CCSER1: variants seen among roughly 807,000 people sequenced by gnomAD.
The protein encoded by CCSER1 is coiled-coil serine rich protein 1.
Under a neutral mutation model 82.0 loss-of-function variants are expected in CCSER1, and 41 were observed. The observed-to-expected ratio is 0.50, with a 90% CI of 0.39 to 0.65. The LOEUF is 0.65. Among genes scored for constraint, CCSER1 ranks in the 30% least tolerant of loss-of-function variants. The pLI is 0.00. For synonymous variants in CCSER1, 414 were observed against 383.9 expected (o/e 1.08, Z -0.92); for missense variants, 1,119 against 1,064.2 (o/e 1.05, Z -0.72).
At chr4:90,388,751 T>C (rs1468892221) in intron 3 of CCSER1, among the ~76,000 whole-genome samples, 1 of 152,156 alleles carries the variant, frequency 6.6e-6, no homozygotes, top group Non-Finnish European at 1.5e-5. Context: ...TTCTCCTGTC[T>C]CAGCCTCCAA....
rs574244697 is a variant in CCSER1 at position 91,508,365 on chromosome 4, T to C, written c.2218-90207T>C. 1.1e-4 allele frequency among the ~76,000 whole-genome samples: 17 copies of C among 151,936 alleles called. 1 individual carries two copies. In the South Asian group the frequency reaches 3.5e-3, roughly 32 times the overall value. ...TATAGCATCTATTGAGATGATCATG[T>C]GGTTTACCTCCTTTCATCCATTAAT... is the stretch of plus-strand genomic sequence containing the variant. On this transcript the variant is annotated intron_variant, in intron 10 of 10. Transcript: ENST00000509176.
At chr4:90,597,185 C>A (rs1383059673) in intron 5 of CCSER1, among the ~76,000 whole-genome samples, 1 of 151,926 alleles carries the variant, frequency 6.6e-6, no homozygotes, top group Non-Finnish European at 1.5e-5. Flanking sequence ...TTACATCACT[C>A]TGAATAAGCT....
At chr4:91,174,645 T>C (rs7655384) in intron 10 of CCSER1, among the ~76,000 whole-genome samples, 56,746 of 151,834 alleles carry the variant, frequency 0.37, 11,477 homozygotes, top group Non-Finnish European at 0.46. Context: ...TTTGTACTAC[T>C]AAAAATAAAT....
In CCSER1 at chr4:91,603,636, T is replaced by C. The variant is rs1041718395; in HGVS notation, c.*4579T>C. The stretch of plus-strand genomic sequence containing the variant: ...CAATTTAATACGACATACATACTTC[T>C]TCCACCTGAACATAAAATTCAAGAA... On this transcript the variant is annotated 3_prime_UTR_variant, in exon 11 of 11. Transcript: ENST00000509176. 11 of 152,118 alleles carry C rather than the reference T, an allele frequency of 7.2e-5. No homozygotes were observed. The highest frequency in any genetic ancestry group is 2.7e-4 in the African/African-American group (11 of 41,444). 9.4% of individuals were successfully genotyped at this position (152,118 alleles called of 1,614,324 possible).
intron 10 of CCSER1, among the ~76,000 whole-genome samples, chr4:91,155,190 A>T (rs1002924994): frequency 2.0e-5 from 3 of 151,962 alleles, no homozygotes; most frequent in Admixed American, 6.6e-5. Flanking sequence ...GAATTGTAAT[A>T]ATCCCCACGT....
chr4:90,163,239 C>T (rs1204905437), intron 1 of CCSER1, among the ~76,000 whole-genome samples: 1 of 151,946 alleles, frequency 6.6e-6, no homozygotes. Context: ...GTAAATATGA[C>T]AGAGTGCTTT....
chr4:90,895,461 TG>T, intron 8 of CCSER1, among the ~76,000 whole-genome samples: 1 of 152,098 alleles, frequency 6.6e-6, no homozygotes, highest in East Asian at 1.9e-4. Flanking sequence ...GGTTGTTCTC[TG>T]TAAGAATAAA....
At chr4:90,133,593 AAATAT>A (rs1483000333) in intron 1 of CCSER1, among the ~76,000 whole-genome samples, 1 of 152,190 alleles carries the variant, frequency 6.6e-6, no homozygotes, top group Non-Finnish European at 1.5e-5. Context: ...TTTCAAGCTT[AAATAT>A]AATGTGTTCA....
At chr4:90,658,433 C>T (rs1172790135) in intron 6 of CCSER1, among the ~76,000 whole-genome samples, 1 of 152,152 alleles carries the variant, frequency 6.6e-6, no homozygotes, top group African/African-American at 2.4e-5. Context: ...CCCAGGAACT[C>T]CTCTCCCTGG....
At chr4:90,538,125 G>A (rs1579040820) in intron 5 of CCSER1, among the ~76,000 whole-genome samples, 1 of 152,054 alleles carries the variant, frequency 6.6e-6, no homozygotes, top group Non-Finnish European at 1.5e-5. Context: ...CAGATATAAG[G>A]TGGATTTTAT....
intron 10 of CCSER1, among the ~76,000 whole-genome samples, chr4:91,553,300 A>C (rs1027835517): frequency 4.0e-5 from 6 of 151,396 alleles, no homozygotes; most frequent in Non-Finnish European, 7.4e-5. Context: ...TCTACTTGCC[A>C]GTATTTTATT....
At chr4:91,094,870 T>C (rs1264436338) in intron 10 of CCSER1, among the ~76,000 whole-genome samples, 1 of 152,144 alleles carries the variant, frequency 6.6e-6, no homozygotes, top group African/African-American at 2.4e-5. Context: ...AAGAGCCCTG[T>C]TTTGTAAAGG....
chr4:91,097,597 A>G (rs1044503080), intron 10 of CCSER1, among the ~76,000 whole-genome samples: 9 of 152,230 alleles, frequency 5.9e-5, no homozygotes, highest in Non-Finnish European at 5.9e-5. Context: ...AAAGAGAATT[A>G]ACACTTTAGA....
At chr4:91,541,986 G>C (rs1184140529) in intron 10 of CCSER1, among the ~76,000 whole-genome samples, 1 of 152,182 alleles carries the variant, frequency 6.6e-6, no homozygotes. Context: ...CAGCGATGAT[G>C]AGCATTTTTT....
At chr4:90,620,828 T>A (rs1252729697) in intron 5 of CCSER1, among the ~76,000 whole-genome samples, 2 of 152,144 alleles carry the variant, frequency 1.3e-5, no homozygotes, top group Non-Finnish European at 2.9e-5. Flanking sequence ...TTATTTTTTT[T>A]AAACGGAGTC....
intron 10 of CCSER1, among the ~76,000 whole-genome samples, chr4:91,153,675 C>T (rs1730496952): frequency 6.6e-6 from 1 of 151,818 alleles, no homozygotes; most frequent in Non-Finnish European, 1.5e-5. Flanking sequence ...TTGTGACATA[C>T]CGATGGTGTT....
At chr4:91,434,243 G>A (rs185153274) in intron 10 of CCSER1, among the ~76,000 whole-genome samples, 2 of 152,014 alleles carry the variant, frequency 1.3e-5, no homozygotes, top group Non-Finnish European at 2.9e-5. Context: ...TTTGGTAGTA[G>A]GGGAATGTTA....
intron 5 of CCSER1, among the ~76,000 whole-genome samples, chr4:90,494,473 C>G (rs1009986111): frequency 6.6e-6 from 1 of 152,180 alleles, no homozygotes; most frequent in Non-Finnish European, 1.5e-5. Context: ...TTCTTCTCAG[C>G]ACCACATCAC....
intron 5 of CCSER1, among the ~76,000 whole-genome samples, chr4:90,491,467 G>A (rs971889738): frequency 6.6e-6 from 1 of 152,120 alleles, no homozygotes; most frequent in African/African-American, 2.4e-5. Flanking sequence ...TGCAAACAGG[G>A]ACAATTTGAC....
Sources: allele counts gnomAD v4.1 joint callset (sites outside exome capture counted in the v4.1 genomes callset), GRCh38; gene constraint gnomAD v4.1.1; transcripts MANE v1.5; gene names NCBI Gene and HGNC (gene_info 2026-07-23, HGNC 2026-07-21).